MED13L: variants seen among roughly 807,000 people sequenced by gnomAD.
MED13L encodes the protein mediator complex subunit 13L, also known as mediator of RNA polymerase II transcription subunit 13-like.
MED13L carries 7 observed loss-of-function variants against 220.9 expected under a neutral mutation model. The observed-to-expected ratio is 0.03, with a 90% confidence interval of 0.02 to 0.06. MED13L has a LOEUF of 0.06. MED13L is among the 10% of genes least tolerant of loss of function. MED13L has a pLI of 1.00. For missense variants in MED13L, 1,965 were observed against 2,760.5 expected, an observed-to-expected ratio of 0.71 and a Z score of 6.46; for synonymous variants, 1,011 against 1,015.2, an observed-to-expected ratio of 1.00 and a Z score of 0.08.
Position 115,997,254 on chromosome 12 carries a change from T to A in MED13L, c.2570-24A>T, listed in dbSNP as rs766244256. The A allele has an allele frequency of 1.4e-5, 22 of 1,606,650 alleles. 1 individual carries two copies. In the South Asian group the frequency reaches 1.7e-4, roughly 12 times the overall value. On this transcript the variant is annotated intron_variant, in intron 14 of 30. Coordinates refer to ENST00000281928, the MANE Select transcript of MED13L (RefSeq NM_015335.5). ...TGCTAAAAATAAGAAATAAAAAAAA[T>A]TTGTTTAATAGGAAGGGCTTCTAAA...
At chr12:116,244,581 T>C (rs1460486067) in intron 1 of MED13L, among the ~76,000 whole-genome samples, 1 of 152,192 alleles carries the variant, frequency 6.6e-6, no homozygotes, top group Non-Finnish European at 1.5e-5. Flanking sequence ...CCTCAGGAAT[T>C]AAATACAGGT....
chr12:116,092,775 G>A (rs899305854), intron 4 of MED13L, among the ~76,000 whole-genome samples: 28 of 151,924 alleles, frequency 1.8e-4, no homozygotes, highest in African/African-American at 6.8e-4. Flanking sequence ...ATGTGTGGTG[G>A]GGGGGGTGTG....
At chr12:116,069,842 T>C (rs995951911) in intron 4 of MED13L, among the ~76,000 whole-genome samples, 5 of 152,132 alleles carry the variant, frequency 3.3e-5, no homozygotes, top group Non-Finnish European at 7.4e-5. Flanking sequence ...AGGCTACATG[T>C]GTAAGATGTA....
Position 115,960,262 on chromosome 12 carries a change from T to C in MED13L, c.*1004A>G, listed in dbSNP as rs1166184460. On this transcript the variant is annotated 3_prime_UTR_variant, in exon 31 of 31. Transcript: ENST00000281928. ...TGTACATAAGTCCCTTTTGATCTAA[T>C]GAGAGGAGAGACCTGGCTTCCAATA... The C allele has an allele frequency of 6.6e-6, 1 of 152,658 alleles. No homozygotes were observed. Among genetic ancestry groups the C allele is most frequent in the Non-Finnish European group, 1.5e-5 (1 of 68,044 alleles). The allele number at this position is 152,658 out of a possible 1,614,324, so 9.5% of individuals were successfully genotyped here. A position where few individuals can be genotyped will look rare whatever the true frequency, so the allele number is the denominator to read the frequency against.
At chr12:116,106,975 T>G (rs1194254899) in intron 3 of MED13L, among the ~76,000 whole-genome samples, 2 of 152,316 alleles carry the variant, frequency 1.3e-5, no homozygotes, top group Non-Finnish European at 1.5e-5. Context: ...TTCTGTTAGC[T>G]AGTATCAACA....
chr12:115,996,368 A>G lies in MED13L; in HGVS notation c.2996+108T>C. On this transcript the variant is annotated intron_variant, in intron 16 of 30. Coordinates refer to ENST00000281928, the MANE Select transcript of MED13L (RefSeq NM_015335.5). The stretch of plus-strand genomic sequence containing the variant: ...CCACCTCCCAAAGTGCTGGGATTAC[A>G]GGCATGAGCCACCGCGCCCGGACCT... 6.3e-6 allele frequency: 8 copies of G among 1,265,848 alleles called. No homozygotes were observed. The South Asian group carries it at 7.2e-5, about 11-fold the overall frequency. The allele number at this position is 1,265,848 out of a possible 1,614,324, so 78.4% of individuals were successfully genotyped here.
chr12:116,219,584 C>A, intron 2 of MED13L, among the ~76,000 whole-genome samples: 1 of 152,138 alleles, frequency 6.6e-6, no homozygotes, highest in East Asian at 1.9e-4. Flanking sequence ...CCCTGGATCA[C>A]CATCAAACCT....
chr12:116,056,147 C>T (rs941363586), intron 4 of MED13L, among the ~76,000 whole-genome samples: 2 of 152,158 alleles, frequency 1.3e-5, no homozygotes, highest in African/African-American at 4.8e-5. Flanking sequence ...CTGAGTGATA[C>T]AGGAAGCAAC....
chr12:116,098,293 TG>T (rs1056214061), intron 3 of MED13L, among the ~76,000 whole-genome samples: 1 of 151,312 alleles, frequency 6.6e-6, no homozygotes, highest in Non-Finnish European at 1.5e-5. Context: ...CATAAAAATG[TG>T]GGGGGGAAAT....
intron 4 of MED13L, among the ~76,000 whole-genome samples, chr12:116,080,425 T>C (rs1032067585): frequency 2.3e-4 from 35 of 152,280 alleles, no homozygotes; most frequent in Middle Eastern, 3.4e-3. Context: ...TTCAATGCCA[T>C]ATAGAGAGAA....
At chr12:116,067,617 T>G (rs1870048247) in intron 4 of MED13L, among the ~76,000 whole-genome samples, 1 of 152,188 alleles carries the variant, frequency 6.6e-6, no homozygotes, top group Non-Finnish European at 1.5e-5. Flanking sequence ...AAACAAATAT[T>G]TCTTATAAAG....
At chr12:115,992,696 G>A (rs1178435358) in intron 16 of MED13L, among the ~76,000 whole-genome samples, 1 of 152,178 alleles carries the variant, frequency 6.6e-6, no homozygotes, top group Non-Finnish European at 1.5e-5. Flanking sequence ...CTGTATCAGA[G>A]TTTCCAGCTT....
chr12:116,259,367 T>C (rs945149606), intron 1 of MED13L, among the ~76,000 whole-genome samples: 3 of 152,126 alleles, frequency 2.0e-5, no homozygotes, highest in Non-Finnish European at 4.4e-5. Context: ...GAACTACAAC[T>C]GTAGAATTGT....
chr12:115,970,535 C>T, intron 27 of MED13L, 59 bp downstream of exon 27: 2 of 1,563,688 alleles, frequency 1.3e-6, no homozygotes, highest in African/African-American at 2.7e-5. Flanking sequence ...CCAGTGATTC[C>T]ATACTCCGGC....
chr12:116,033,156 A>C (rs1235402645), intron 4 of MED13L, among the ~76,000 whole-genome samples: 1 of 152,106 alleles, frequency 6.6e-6, no homozygotes, highest in Non-Finnish European at 1.5e-5. Context: ...GACTTTATAG[A>C]GGGGTTTGTT....
At chr12:115,990,525 C>CAGTT (rs1361113335) in intron 17 of MED13L, among the ~76,000 whole-genome samples, 2 of 152,144 alleles carry the variant, frequency 1.3e-5, no homozygotes, top group African/African-American at 4.8e-5. Context: ...ATAATACAAC[C>CAGTT]AGTTATATGC....
chr12:116,246,824 C>T (rs1370702046), intron 1 of MED13L, among the ~76,000 whole-genome samples: 1 of 53,902 alleles, frequency 1.9e-5, no homozygotes, highest in East Asian at 7.4e-4. Context: ...GGGAAGGGAG[C>T]GAGGTGTGGA....
chr12:116,106,282 AG>A (rs1296398984), intron 3 of MED13L, among the ~76,000 whole-genome samples: 3 of 152,202 alleles, frequency 2.0e-5, no homozygotes, highest in Non-Finnish European at 4.4e-5. Flanking sequence ...TGGCAAGAAA[AG>A]GTGGGGAATT....
chr12:116,033,371 A>G (rs1355095898), intron 4 of MED13L, among the ~76,000 whole-genome samples: 1 of 152,204 alleles, frequency 6.6e-6, no homozygotes, highest in African/African-American at 2.4e-5. Context: ...AAAAATTATT[A>G]AACTATTTTC....
Sources: allele counts gnomAD v4.1 joint callset (sites outside exome capture counted in the v4.1 genomes callset), GRCh38; gene constraint gnomAD v4.1.1; transcripts MANE v1.5; gene names NCBI Gene and HGNC (gene_info 2026-07-23, HGNC 2026-07-21).